The following DPP4 variants were observed in gnomAD, a reference collection of about 807,000 sequenced individuals.
DPP4 encodes dipeptidyl peptidase 4, also known as ADCP-2.
Under a neutral mutation model 122.4 loss-of-function variants are expected in DPP4, and 93 were observed. The ratio of observed to expected loss-of-function variants is 0.76; its 90% CI spans 0.64 to 0.90. The LOEUF is 0.90. Ranked by LOEUF, DPP4 falls within the 40% of genes least tolerant of loss-of-function variation. DPP4 has a pLI of 0.00. For synonymous variants in DPP4, 321 were observed against 302.9 expected (o/e 1.06, Z -0.62); for missense variants, 914 against 907.3 (o/e 1.01, Z -0.09).
At chr2:161,995,660 G>A (rs1229288232) in intron 23 of DPP4, among the ~76,000 whole-genome samples, 1 of 152,186 alleles carries the variant, frequency 6.6e-6, no homozygotes, top group African/African-American at 2.4e-5. Flanking sequence ...CCAGATCCCA[G>A]ATTGGCTGTG....
intron 2 of DPP4, among the ~76,000 whole-genome samples, chr2:162,052,408 G>A (rs947118785): frequency 6.6e-6 from 1 of 151,970 alleles, no homozygotes; most frequent in Non-Finnish European, 1.5e-5. Context: ...TTCACCATGT[G>A]GGGATGCTGC....
chr2:162,023,479 TC>T (rs1289527091), intron 11 of DPP4, among the ~76,000 whole-genome samples: 1 of 152,050 alleles, frequency 6.6e-6, no homozygotes, highest in Admixed American at 6.5e-5. Context: ...ACTACACCTC[TC>T]CCCCAGTCCC....
At position 162,022,753 on chromosome 2, in the gene DPP4, A is replaced by C. The variant is rs764252225; in HGVS notation, c.1068+2T>G. On this transcript the variant is annotated splice_donor_variant, in intron 12 of 25. Transcript: ENST00000360534. LOFTEE classifies it high-confidence loss of function. ...TAAAACCCCACAACTTATAACACTT[A>C]CTCTTCCAACCCAGCCAGTAGTACT... 6.2e-7 allele frequency: 1 copy of C among 1,613,696 alleles called. No homozygotes were observed. The highest frequency in any genetic ancestry group is 8.5e-7 in the Non-Finnish European group (1 of 1,179,916).
intron 23 of DPP4, 102 bp downstream of exon 23, chr2:162,005,643 T>C: frequency 9.6e-7 from 1 of 1,046,550 alleles, no homozygotes; most frequent in Non-Finnish European, 1.4e-6. Flanking sequence ...AAGAATTTTG[T>C]TGGAAATAAA....
intron 12 of DPP4, 66 bp from the exon 13 acceptor site, chr2:162,020,754 T>C: frequency 8.3e-7 from 1 of 1,202,828 alleles, no homozygotes; most frequent in Non-Finnish European, 1.2e-6. Flanking sequence ...CAACTTTAGT[T>C]TTAGAAAGTC....
intron 19 of DPP4, 123 bp from the exon 20 acceptor site, chr2:162,012,110 G>A: frequency 2.3e-6 from 2 of 875,884 alleles, no homozygotes; most frequent in Non-Finnish European, 3.4e-6. Context: ...AACTGTGCCA[G>A]CCTATGGGGT....
chr2:162,061,194 A>C (rs1684760449), intron 2 of DPP4, among the ~76,000 whole-genome samples: 1 of 152,144 alleles, frequency 6.6e-6, no homozygotes, highest in Admixed American at 6.5e-5. Context: ...TGTGTGAGCC[A>C]CTGTGCCCAG....
rs1682823799 is a variant in DPP4, at chr2:162,014,257, A to C, written c.1637+139T>G. On this transcript the variant is annotated intron_variant, in intron 19 of 25. Coordinates refer to ENST00000360534, the MANE Select transcript of DPP4 (RefSeq NM_001935.4). ...AACACAGGTTGGGTTTTGTGGCTGT[A>C]CAGTGAAAGGAGGAAATAGTAAACA... is the stretch of plus-strand genomic sequence containing the variant. The C allele has an allele frequency of 4.4e-6, 3 of 682,566 alleles. No homozygotes were observed. The Admixed American group carries it at 1.0e-4, about 23-fold the overall frequency. The allele number at this position is 682,566 out of a possible 1,614,324, so 42.3% of individuals were successfully genotyped here.
chr2:162,069,306 GCCTTCTCTT>G (rs1685042148), intron 2 of DPP4, among the ~76,000 whole-genome samples: 1 of 152,148 alleles, frequency 6.6e-6, no homozygotes, highest in South Asian at 2.1e-4. Flanking sequence ...TAGCTTGCAT[GCCTTCTCTT>G]CCTCAAGCAA....
chr2:162,012,133 T>A (rs1682725853), intron 19 of DPP4, 146 bp from the exon 20 acceptor site: 1 of 664,748 alleles, frequency 1.5e-6, no homozygotes, highest in Non-Finnish European at 2.5e-6. Context: ...CCAGAATGAG[T>A]CCTCTAAAAC....
At chr2:162,008,472 A>G in intron 22 of DPP4, 90 bp downstream of exon 22, 1 of 1,120,078 alleles carries the variant, frequency 8.9e-7, no homozygotes, top group Non-Finnish European at 1.4e-6. Flanking sequence ...TTCGCTGTAA[A>G]AACACTGAAA....
At position 162,073,465 on chromosome 2, in the gene DPP4, C is replaced by A; in HGVS notation, c.28G>T (p.Gly10Ter). 6.2e-7 allele frequency: 1 copy of A among 1,613,988 alleles called. No homozygotes were observed. The highest frequency in any genetic ancestry group is 8.5e-7 in the Non-Finnish European group (1 of 1,180,014). The change falls in exon 2 of 26, where the codon GGA (glycine) becomes TGA (stop). Residue 10 changes from glycine to a stop codon, truncating the protein, a stop_gained. Coordinates refer to ENST00000360534, the MANE Select transcript of DPP4 (RefSeq NM_001935.4). LOFTEE classifies it high-confidence loss of function. MKTPWKVLL[G>*]LLGAAALVTI... Reference sequence around the variant, plus strand: ...ACAAGCGCAGCAGCACCCAGCAGTCCCAGAAGAACCTTCCACGGTGTCTGC... The same window carrying A: ...ACAAGCGCAGCAGCACCCAGCAGTCACAGAAGAACCTTCCACGGTGTCTGC...
At chr2:162,046,789 A>G (rs1400788496) in intron 4 of DPP4, 126 bp downstream of exon 4, 1 of 725,714 alleles carries the variant, frequency 1.4e-6, no homozygotes, top group South Asian at 1.5e-5. Flanking sequence ...GGAGAGAAAG[A>G]TCCACTTTGC....
intron 2 of DPP4, among the ~76,000 whole-genome samples, chr2:162,067,066 T>C (rs1044418441): frequency 9.6e-4 from 26 of 27,132 alleles, no homozygotes; most frequent in Non-Finnish European, 2.1e-3. Flanking sequence ...ATTCAATATA[T>C]GTTTTTGAAT....
At chr2:162,061,209 A>G (rs1395953792) in intron 2 of DPP4, among the ~76,000 whole-genome samples, 1 of 152,102 alleles carries the variant, frequency 6.6e-6, no homozygotes, top group African/African-American at 2.4e-5. Context: ...GCCCAGCTGC[A>G]TCTTCAGTTT....
At chr2:162,014,358 CAATACTTCT>C (rs759148168) in intron 19 of DPP4, 29 bp downstream of exon 19, 1 of 1,532,888 alleles carries the variant, frequency 6.5e-7, no homozygotes, top group Non-Finnish European at 9.0e-7. Context: ...ATATATGACT[CAATACTTCT>C]AAATTGCTCC....
At chr2:161,994,936 C>T (rs769143269) in intron 25 of DPP4, 25 bp downstream of exon 25, 1 of 1,610,958 alleles carries the variant, frequency 6.2e-7, no homozygotes, top group Non-Finnish European at 8.5e-7. Context: ...CAACTTCCCT[C>T]CCCTTGCACA....
chr2:162,044,823 G>C (rs982119005), intron 5 of DPP4, among the ~76,000 whole-genome samples: 1 of 152,122 alleles, frequency 6.6e-6, no homozygotes, highest in African/African-American at 2.4e-5. Context: ...GAATCTTTAC[G>C]ATCTGTGGTG....
intron 22 of DPP4, among the ~76,000 whole-genome samples, chr2:162,006,142 A>C (rs768771265): frequency 1.3e-5 from 2 of 152,238 alleles, no homozygotes; most frequent in Non-Finnish European, 2.9e-5. Context: ...TCTAAAATCC[A>C]ATCAATAATC....
Sources: allele counts gnomAD v4.1 joint callset (sites outside exome capture counted in the v4.1 genomes callset), GRCh38; gene constraint gnomAD v4.1.1; transcripts MANE v1.5; gene names NCBI Gene and HGNC (gene_info 2026-07-23, HGNC 2026-07-21).